Variants in PLEKHA5 observed in about 807,000 individuals in gnomAD.
PLEKHA5 encodes the protein pleckstrin homology domain-containing family A member 5.
PLEKHA5 carries 55 observed loss-of-function variants against 181.9 expected under a neutral mutation model. The observed-to-expected ratio is 0.30, with a 90% CI of 0.24 to 0.38. The LOEUF (loss-of-function observed/expected upper bound fraction) is 0.38, where lower values mean the gene tolerates loss of function less well. Ranked by LOEUF, PLEKHA5 falls within the 10% of genes least tolerant of loss-of-function variation. The pLI is 1.00. For missense variants in PLEKHA5, 1,432 were observed against 1,549.5 expected (o/e 0.92, Z 1.27); for synonymous variants, 535 against 529.4 (o/e 1.01, Z -0.15).
Position 19,255,057 on chromosome 12 carries a change from C to T in PLEKHA5, c.324C>T (p.Thr108=). 3 of 1,603,472 alleles carry T rather than the reference C, an allele frequency of 1.9e-6. No individual in the cohort carries two copies. Among genetic ancestry groups the T allele is most frequent in the Non-Finnish European group, 2.6e-6 (3 of 1,173,238 alleles). ...IFVVNEQTVA[T]MTSEEKKERP... ...CATATATTTTCAGGACTGTTGCAAC[C>T]ATGACATCTGAAGAAAAGAAGGAAC... The change falls in exon 5 of 32, where the codon ACC becomes ACT. Residue 108 remains threonine (T), a synonymous_variant. Transcript: ENST00000429027.
rs186886971 is a variant in PLEKHA5 at position 19,267,614 on chromosome 12, C to T, written c.711+1764C>T. On this transcript the variant is annotated intron_variant, in intron 8 of 31. Transcript: ENST00000429027. ...GGCGGAGGTTGCAGTAAGCCGAGAT[C>T]GTGCCACTGCACTCCAGCCTGGGCG... is the stretch of plus-strand genomic sequence containing the variant. Among the ~76,000 whole-genome samples, 6 of 151,746 alleles carry T rather than the reference C, an allele frequency of 4.0e-5. No individual in the cohort carries two copies. In the East Asian group the frequency reaches 7.8e-4, roughly 20 times the overall value.
intron 10 of PLEKHA5, among the ~76,000 whole-genome samples, chr12:19,270,571 T>A (rs1409254826): frequency 6.6e-6 from 1 of 152,216 alleles, no homozygotes; most frequent in Non-Finnish European, 1.5e-5. Flanking sequence ...TTGACCCATG[T>A]ATTTTTCCCT....
At chr12:19,313,256 T>G (rs2087244050) in intron 15 of PLEKHA5, among the ~76,000 whole-genome samples, 1 of 152,118 alleles carries the variant, frequency 6.6e-6, no homozygotes, top group Non-Finnish European at 1.5e-5. Context: ...GTGCCTGTAG[T>G]CCTAGCTATG....
intron 11 of PLEKHA5, among the ~76,000 whole-genome samples, chr12:19,277,060 T>A (rs1192414065): frequency 6.6e-6 from 1 of 152,064 alleles, no homozygotes; most frequent in Non-Finnish European, 1.5e-5. Context: ...TAATGTTGGA[T>A]GGAATGACAG....
At chr12:19,209,327 G>C (rs1374835402) in intron 3 of PLEKHA5, among the ~76,000 whole-genome samples, 1 of 152,150 alleles carries the variant, frequency 6.6e-6, no homozygotes, top group African/African-American at 2.4e-5. Flanking sequence ...GAAGGGACAA[G>C]ACAATGTTAG....
At chr12:19,303,249 C>T (rs571808580) in intron 15 of PLEKHA5, among the ~76,000 whole-genome samples, 75 of 152,148 alleles carry the variant, frequency 4.9e-4, no homozygotes, top group Non-Finnish European at 9.6e-4. Context: ...TAAGCCACTG[C>T]TTAATCACTT....
At chr12:19,351,302 C>G (rs1051580484) in intron 25 of PLEKHA5, among the ~76,000 whole-genome samples, 2 of 152,006 alleles carry the variant, frequency 1.3e-5, no homozygotes, top group East Asian at 3.9e-4. Context: ...TTTGGGAGGC[C>G]GAAGCAGATG....
intron 3 of PLEKHA5, among the ~76,000 whole-genome samples, chr12:19,204,455 G>A (rs2054924035): frequency 6.6e-6 from 1 of 152,082 alleles, no homozygotes; most frequent in Admixed American, 6.6e-5. Context: ...TTAAAATGGA[G>A]CAGAGGAGAA....
At chr12:19,196,083 A>C (rs1254046505) in intron 3 of PLEKHA5, among the ~76,000 whole-genome samples, 1 of 152,146 alleles carries the variant, frequency 6.6e-6, no homozygotes, top group Admixed American at 6.5e-5. Context: ...ATGACATTGA[A>C]CAGTATTTTA....
chr12:19,172,419 A>G (rs985878824), intron 3 of PLEKHA5, among the ~76,000 whole-genome samples: 1 of 152,180 alleles, frequency 6.6e-6, no homozygotes, highest in African/African-American at 2.4e-5. Flanking sequence ...AAGTAACATA[A>G]AGAACTCCCA....
chr12:19,274,428 T>G (rs2152736062), intron 10 of PLEKHA5, 88 bp from the exon 11 acceptor site: 1,151 of 777,372 alleles, frequency 1.5e-3, no homozygotes, highest in East Asian at 2.9e-3. Flanking sequence ...CCCACCCCCG[T>G]AAAGTATAAT....
chr12:19,285,055 T>C (rs1311674650), intron 12 of PLEKHA5, among the ~76,000 whole-genome samples: 2 of 152,214 alleles, frequency 1.3e-5, no homozygotes, highest in African/African-American at 4.8e-5. Flanking sequence ...TTTCCATAAA[T>C]AAGCATTTGT....
chr12:19,369,657 A>AT (rs753341871), intron 30 of PLEKHA5, 36 bp from the exon 31 acceptor site: 29 of 1,333,780 alleles, frequency 2.2e-5, no homozygotes, highest in Non-Finnish European at 3.1e-5. Flanking sequence ...TGTCTTAAAG[A>AT]TTTTTATCTT....
intron 3 of PLEKHA5, among the ~76,000 whole-genome samples, chr12:19,211,002 A>G (rs886719203): frequency 2.6e-5 from 4 of 152,166 alleles, no homozygotes; most frequent in African/African-American, 7.2e-5. Context: ...AGACATTAAC[A>G]TGAAACTTAG....
At chr12:19,257,578 G>A in intron 6 of PLEKHA5, 41 bp downstream of exon 6, 1 of 1,033,310 alleles carries the variant, frequency 9.7e-7, no homozygotes, top group Non-Finnish European at 1.5e-6. Flanking sequence ...GACAGAATTA[G>A]AAGGAACCTT....
In PLEKHA5 at chr12:19,334,832, ATATATATATATATAT is replaced by A. The variant is rs2093236831; in HGVS notation, c.2449-1682_2449-1668del. Among the ~76,000 whole-genome samples, 2 of 25,378 alleles carry A rather than the reference ATATATATATATATAT, an allele frequency of 7.9e-5. 1 individual carries two copies. The highest frequency in any genetic ancestry group is 2.3e-4 in the African/African-American group (2 of 8,742). 16.6% of individuals were successfully genotyped at this position (25,378 alleles called of 152,430 possible). On this transcript the variant is annotated intron_variant, in intron 20 of 31. Transcript: ENST00000429027. ...TCCTGTCTTCACAAAAAAAAAAAAT[ATATATATATATATAT>A]ATATATATATATATATATATATCTC...
intron 3 of PLEKHA5, among the ~76,000 whole-genome samples, chr12:19,236,478 G>T (rs752331326): frequency 6.6e-5 from 10 of 151,930 alleles, no homozygotes; most frequent in Non-Finnish European, 1.5e-4. Context: ...GTTTCTGGGT[G>T]GTGGAATTCC....
chr12:19,300,387 A>G (rs770380471), intron 15 of PLEKHA5, among the ~76,000 whole-genome samples: 5 of 152,236 alleles, frequency 3.3e-5, no homozygotes, highest in African/African-American at 4.8e-5. Flanking sequence ...TCTAAAATGC[A>G]TAATAGTTAT....
chr12:19,356,830 T>TAAAAAACC (rs2094958596), intron 26 of PLEKHA5, among the ~76,000 whole-genome samples: 2 of 151,722 alleles, frequency 1.3e-5, no homozygotes, highest in Admixed American at 1.3e-4. Flanking sequence ...CCAGCTAATT[T>TAAAAAACC]CTGTATTTTT....
Sources: gnomAD v4.1 joint callset for allele counts (sites outside exome capture counted in the v4.1 genomes callset) on GRCh38, gnomAD v4.1.1 for gene constraint, MANE v1.5 for transcripts, NCBI Gene and HGNC (gene_info 2026-07-23, HGNC 2026-07-21) for gene names.